Variants in CNTNAP2 observed in about 807,000 individuals in gnomAD.
CNTNAP2 encodes contactin associated protein 2.
Under a neutral mutation model 155.2 loss-of-function variants are expected in CNTNAP2, and 98 were observed. The observed-to-expected ratio is 0.63, with a 90% CI of 0.54 to 0.75. The LOEUF (loss-of-function observed/expected upper bound fraction) is 0.75, where lower values mean the gene tolerates loss of function less well. CNTNAP2 is among the 30% of genes least tolerant of loss of function. The pLI, the probability that CNTNAP2 is intolerant of heterozygous loss-of-function variation, is 0.00. For synonymous variants in CNTNAP2, 651 were observed against 631.2 expected (o/e 1.03, Z -0.47); for missense variants, 1,727 against 1,688.1 (o/e 1.02, Z -0.40).
At chr7:146,973,755 C>A (rs956810723) in intron 3 of CNTNAP2, among the ~76,000 whole-genome samples, 1 of 152,146 alleles carries the variant, frequency 6.6e-6, no homozygotes, top group Non-Finnish European at 1.5e-5. Flanking sequence ...TAGTAAATTT[C>A]CTGGTATCCC....
At chr7:147,173,471 A>T (rs1042545200) in intron 8 of CNTNAP2, among the ~76,000 whole-genome samples, 1 of 152,194 alleles carries the variant, frequency 6.6e-6, no homozygotes, top group East Asian at 1.9e-4. Context: ...GAATGTTATT[A>T]CCTATAAAGC....
intron 12 of CNTNAP2, among the ~76,000 whole-genome samples, chr7:147,632,330 TGTA>T (rs1360861607): frequency 6.6e-6 from 1 of 152,106 alleles, no homozygotes; most frequent in African/African-American, 2.4e-5. Flanking sequence ...CATCTTGAAT[TGTA>T]GTTCCCATGA....
At chr7:147,954,409 T>C (rs1488124349) in intron 14 of CNTNAP2, among the ~76,000 whole-genome samples, 2 of 151,960 alleles carry the variant, frequency 1.3e-5, no homozygotes, top group African/African-American at 2.4e-5. Context: ...GCATTGCATT[T>C]AAACTATAGT....
chr7:146,879,607 T>C (rs1795498265), intron 3 of CNTNAP2, among the ~76,000 whole-genome samples: 1 of 152,020 alleles, frequency 6.6e-6, no homozygotes. Flanking sequence ...TTCCAAGATA[T>C]GGGAATTAAG....
At chr7:146,596,545 G>A (rs1346007674) in intron 1 of CNTNAP2, among the ~76,000 whole-genome samples, 1 of 149,504 alleles carries the variant, frequency 6.7e-6, no homozygotes, top group Non-Finnish European at 1.5e-5. Context: ...AAGAATTTTT[G>A]GCCACATTCA....
Position 146,216,303 on chromosome 7 carries a change from C to T in CNTNAP2, c.97+99330C>T, listed in dbSNP as rs569213464. Among the ~76,000 whole-genome samples the T allele has an allele frequency of 1.6e-4, 24 of 152,222 alleles. No homozygotes were observed. The South Asian group carries it at 5.0e-3, about 32-fold the overall frequency. The stretch of plus-strand genomic sequence containing the variant: ...GGAGATATGAGTGGAGAACAATCAG[C>T]GTCTGCCAGAATGACAACCATTTTT... On this transcript the variant is annotated intron_variant, in intron 1 of 23. Transcript: ENST00000361727.
At chr7:147,945,172 G>T (rs1226232761) in intron 14 of CNTNAP2, among the ~76,000 whole-genome samples, 1 of 151,954 alleles carries the variant, frequency 6.6e-6, no homozygotes, top group Non-Finnish European at 1.5e-5. Flanking sequence ...TCTTTCTTTT[G>T]ATAAGATCAT....
intron 15 of CNTNAP2, among the ~76,000 whole-genome samples, chr7:148,108,963 T>C (rs1052294108): frequency 3.3e-5 from 5 of 152,198 alleles, no homozygotes; most frequent in African/African-American, 1.2e-4. Flanking sequence ...CAATTATACA[T>C]TGTCAATTTA....
At chr7:147,979,898 C>G (rs146761203) in intron 15 of CNTNAP2, among the ~76,000 whole-genome samples, 70 of 152,316 alleles carry the variant, frequency 4.6e-4, no homozygotes, top group African/African-American at 1.6e-3. Context: ...GCTGGGATTA[C>G]AGGTGTGAGC....
chr7:146,474,999 A>G lies in CNTNAP2; in HGVS notation c.98-299272A>G, dbSNP rs997521355. Among the ~76,000 whole-genome samples the G allele has an allele frequency of 7.7e-3, 1,065 of 138,554 alleles. 10 individuals carry two copies. Among genetic ancestry groups the G allele is most frequent in the African/African-American group, 0.026 (1,010 of 38,842 alleles). 90.9% of individuals were successfully genotyped at this position (138,554 alleles called of 152,430 possible). ...AACATATGCCTGAGCACGAGCGCGC[A>G]CGCGCGCGCGCGCGCACACACACAC... On this transcript the variant is annotated intron_variant, in intron 1 of 23. Coordinates refer to ENST00000361727, the MANE Select transcript of CNTNAP2 (RefSeq NM_014141.6).
At chr7:146,886,363 T>G (rs953942776) in intron 3 of CNTNAP2, among the ~76,000 whole-genome samples, 3 of 152,034 alleles carry the variant, frequency 2.0e-5, no homozygotes, top group Non-Finnish European at 4.4e-5. Flanking sequence ...CTACATTCTT[T>G]TATTGTTTTT....
chr7:146,621,575 A>G (rs1479812645), intron 1 of CNTNAP2, among the ~76,000 whole-genome samples: 6 of 152,112 alleles, frequency 3.9e-5, no homozygotes, highest in Non-Finnish European at 7.3e-5. Context: ...ACTGGGATTG[A>G]CCTAATGTTT....
intron 8 of CNTNAP2, among the ~76,000 whole-genome samples, chr7:147,251,910 T>C (rs1454140588): frequency 6.6e-6 from 1 of 152,188 alleles, no homozygotes; most frequent in Non-Finnish European, 1.5e-5. Context: ...GACAAGTTTG[T>C]TCCTAATATT....
At chr7:148,266,911 C>G in intron 20 of CNTNAP2, 122 bp from the exon 21 acceptor site, 1 of 890,310 alleles carries the variant, frequency 1.1e-6, no homozygotes, top group Non-Finnish European at 1.9e-6. Context: ...AGAGTCAGTG[C>G]TGATGAAATA....
rs1409157179 is a variant in CNTNAP2, at chr7:148,270,784, A to G, written c.3475+3658A>G. ...TAGAAAGAATGTGGACTTCGGAATC[A>G]GGCAGAGCTTGTTAGACTGGAATCC... On this transcript the variant is annotated intron_variant, in intron 21 of 23. Transcript: ENST00000361727. Among the ~76,000 whole-genome samples, 3 of 152,230 alleles carry G rather than the reference A, an allele frequency of 2.0e-5. No homozygotes were observed. The East Asian group carries it at 5.8e-4, about 29-fold the overall frequency.
At chr7:146,787,942 G>C (rs1405634697) in intron 2 of CNTNAP2, among the ~76,000 whole-genome samples, 1 of 152,182 alleles carries the variant, frequency 6.6e-6, no homozygotes, top group Non-Finnish European at 1.5e-5. Flanking sequence ...AGACACAAAA[G>C]TTCTCCAAGT....
intron 18 of CNTNAP2, among the ~76,000 whole-genome samples, chr7:148,179,115 G>A (rs1194038274): frequency 3.9e-5 from 6 of 152,192 alleles, no homozygotes; most frequent in South Asian, 2.1e-4. Context: ...TGTCAATAGC[G>A]CAAGTCTTGG....
intron 13 of CNTNAP2, among the ~76,000 whole-genome samples, chr7:147,732,258 A>T (rs191648769): frequency 7.1e-6 from 1 of 140,678 alleles, no homozygotes; most frequent in South Asian, 2.2e-4. Flanking sequence ...TCATTGTTCA[A>T]TTCCCACCTA....
chr7:146,328,998 G>C (rs1313798913), intron 1 of CNTNAP2, among the ~76,000 whole-genome samples: 1 of 152,212 alleles, frequency 6.6e-6, no homozygotes, highest in Non-Finnish European at 1.5e-5. Flanking sequence ...GAACATGAGA[G>C]TGCAAATAGC....
Sources: allele counts gnomAD v4.1 joint callset (sites outside exome capture counted in the v4.1 genomes callset), GRCh38; gene constraint gnomAD v4.1.1; transcripts MANE v1.5; gene names NCBI Gene and HGNC (gene_info 2026-07-23, HGNC 2026-07-21).